Variants in ZNF609 observed in about 807,000 individuals in gnomAD.
The protein encoded by ZNF609 is zinc finger protein 609.
A neutral mutation model predicts 109.5 loss-of-function variants in ZNF609; 11 were observed. The ratio of observed to expected loss-of-function variants is 0.10; its 90% CI spans 0.06 to 0.17. The LOEUF is 0.17. Among genes scored for constraint, ZNF609 ranks in the 10% least tolerant of loss-of-function variants. The pLI is 1.00. For synonymous variants in ZNF609, 646 were observed against 662.0 expected (o/e 0.98, Z 0.37); for missense variants, 1,559 against 1,772.4 (o/e 0.88, Z 2.16).
chr15:64,593,089 G>A, intron 2 of ZNF609: 7 of 1,594,392 alleles, frequency 4.4e-6, no homozygotes, highest in Non-Finnish European at 5.1e-6. Flanking sequence ...AGGCCATTAA[G>A]AAATTCGTCA....
chr15:64,504,790 A>G, intron 2 of ZNF609, among the ~76,000 whole-genome samples: 1 of 151,958 alleles, frequency 6.6e-6, no homozygotes, highest in Non-Finnish European at 1.5e-5. Context: ...CTATTTGCTT[A>G]TTTTTAAGGC....
At chr15:64,659,767 G>A (rs530097009) in intron 3 of ZNF609, among the ~76,000 whole-genome samples, 3 of 151,922 alleles carry the variant, frequency 2.0e-5, no homozygotes, top group Admixed American at 2.0e-4. Context: ...CCCAACTTAC[G>A]AATGGTTTGT....
chr15:64,492,179 G>C (rs1020926075), intron 1 of ZNF609, among the ~76,000 whole-genome samples: 1 of 152,058 alleles, frequency 6.6e-6, no homozygotes, highest in Non-Finnish European at 1.5e-5. Context: ...GGAGGTGGAG[G>C]TTGCAGTGAG....
intron 3 of ZNF609, among the ~76,000 whole-genome samples, chr15:64,651,213 G>T (rs777688442): frequency 3.3e-5 from 5 of 152,098 alleles, no homozygotes; most frequent in Admixed American, 6.6e-5. Flanking sequence ...TTGCATTTTT[G>T]TCATGTAGTC....
chr15:64,542,107 G>C (rs1016700092), intron 2 of ZNF609, among the ~76,000 whole-genome samples: 1 of 152,052 alleles, frequency 6.6e-6, no homozygotes, highest in Non-Finnish European at 1.5e-5. Flanking sequence ...AACATAGGGA[G>C]ACCCCCATCT....
intron 1 of ZNF609, among the ~76,000 whole-genome samples, chr15:64,468,951 C>T (rs1893052224): frequency 6.7e-6 from 1 of 148,514 alleles, no homozygotes; most frequent in Non-Finnish European, 1.5e-5. Context: ...ACTTGTAGTC[C>T]TAGCACTTTG....
At chr15:64,661,800 A>G (rs996340375) in intron 3 of ZNF609, among the ~76,000 whole-genome samples, 5 of 152,346 alleles carry the variant, frequency 3.3e-5, no homozygotes, top group Admixed American at 6.5e-5. Context: ...TGTAACTTCA[A>G]TACTTCACAG....
At chr15:64,473,701 G>C (rs1260060305) in intron 1 of ZNF609, among the ~76,000 whole-genome samples, 2 of 151,920 alleles carry the variant, frequency 1.3e-5, no homozygotes, top group East Asian at 3.9e-4. Context: ...CACCTCCTGG[G>C]TTCAAGCGAT....
At position 64,558,607 on chromosome 15, in the gene ZNF609, C is replaced by G. The variant is rs138659873; in HGVS notation, c.747+58441C>G. 3.3e-5 allele frequency among the ~76,000 whole-genome samples: 5 copies of G among 152,334 alleles called. No homozygotes were observed. The East Asian group carries it at 9.6e-4, about 29-fold the overall frequency. On this transcript the variant is annotated intron_variant, in intron 2 of 9. Coordinates refer to ENST00000326648, the MANE Select transcript of ZNF609 (RefSeq NM_015042.2). ...ATTCCTCTTTGTGTTGCCACAGATT[C>G]CTGTGCCTCCCTTGCCATGTTGTAT...
intron 3 of ZNF609, among the ~76,000 whole-genome samples, chr15:64,645,093 C>CCCTT (rs1325519921): frequency 5.4e-5 from 3 of 55,444 alleles, no homozygotes; most frequent in Non-Finnish European, 1.1e-4. Flanking sequence ...TTCCCTCCCT[C>CCCTT]CCTCCCTCCC....
chr15:64,467,717 C>T (rs938331256), intron 1 of ZNF609, among the ~76,000 whole-genome samples: 29 of 152,016 alleles, frequency 1.9e-4, no homozygotes, highest in Admixed American at 3.3e-4. Flanking sequence ...TGGTGGCGCA[C>T]GTCTGTAGTC....
At chr15:64,679,733 C>G (rs538380084) in intron 6 of ZNF609, among the ~76,000 whole-genome samples, 2 of 152,296 alleles carry the variant, frequency 1.3e-5, no homozygotes, top group South Asian at 4.1e-4. Context: ...TTTTAATCCT[C>G]CCTATCACCT....
At position 64,684,793 on chromosome 15, in the gene ZNF609, C is replaced by T. The variant is rs2083231581; in HGVS notation, c.*3107C>T. The T allele has an allele frequency of 6.5e-6, 1 of 152,726 alleles. No individual in the cohort carries two copies. The highest frequency in any genetic ancestry group is 1.9e-4 in the East Asian group (1 of 5,202). 9.5% of individuals were successfully genotyped at this position (152,726 alleles called of 1,614,324 possible). A position where few individuals can be genotyped will look rare whatever the true frequency, so the allele number is the denominator to read the frequency against. The stretch of plus-strand genomic sequence containing the variant: ...TATCCCGTATACCCTCTCACCATCC[C>T]CTTGTCTACTCTGATGCCCCCAAGA... On this transcript the variant is annotated 3_prime_UTR_variant, in exon 10 of 10. Coordinates refer to ENST00000326648, the MANE Select transcript of ZNF609 (RefSeq NM_015042.2).
At chr15:64,560,212 A>C (rs1324089417) in intron 2 of ZNF609, among the ~76,000 whole-genome samples, 1 of 151,258 alleles carries the variant, frequency 6.6e-6, no homozygotes, top group East Asian at 1.9e-4. Context: ...CACCTGGCTA[A>C]TTTTTTTGTA....
At chr15:64,602,380 C>T (rs529150010) in intron 2 of ZNF609, among the ~76,000 whole-genome samples, 4 of 152,228 alleles carry the variant, frequency 2.6e-5, no homozygotes, top group African/African-American at 9.6e-5. Flanking sequence ...GCCCCTCTAG[C>T]CTTGATAATT....
intron 2 of ZNF609, among the ~76,000 whole-genome samples, chr15:64,513,873 CT>C (rs1893768902): frequency 6.6e-6 from 1 of 152,030 alleles, no homozygotes; most frequent in Admixed American, 6.6e-5. Flanking sequence ...GGGAGGACTG[CT>C]TGAGCTTAGA....
At chr15:64,642,476 C>T (rs567389720) in intron 3 of ZNF609, among the ~76,000 whole-genome samples, 8 of 152,192 alleles carry the variant, frequency 5.3e-5, no homozygotes, top group East Asian at 1.9e-4. Context: ...TGAGCCACCA[C>T]GCCCAGCCAG....
At chr15:64,476,743 C>T (rs997190881) in intron 1 of ZNF609, among the ~76,000 whole-genome samples, 11 of 152,182 alleles carry the variant, frequency 7.2e-5, no homozygotes, top group African/African-American at 2.7e-4. Flanking sequence ...CCTTCTAACC[C>T]AGTTCCCTGA....
intron 3 of ZNF609, among the ~76,000 whole-genome samples, chr15:64,628,072 A>G (rs1896000979): frequency 6.6e-6 from 1 of 151,406 alleles, no homozygotes; most frequent in Non-Finnish European, 1.5e-5. Context: ...CAGGAGTTTG[A>G]GACTAGCCTG....
Sources: gnomAD v4.1 joint callset for allele counts (sites outside exome capture counted in the v4.1 genomes callset) on GRCh38, gnomAD v4.1.1 for gene constraint, MANE v1.5 for transcripts, NCBI Gene and HGNC (gene_info 2026-07-23, HGNC 2026-07-21) for gene names.